DCST1: variants seen among roughly 807,000 people sequenced by gnomAD.
DCST1 encodes the protein E3 ubiquitin-protein ligase DCST1.
DCST1 carries 78 observed loss-of-function variants against 89.1 expected under a neutral mutation model. That is an observed-to-expected ratio of 0.88 (90% CI 0.73 to 1.06). DCST1 has a LOEUF of 1.06. DCST1 is among the 50% of genes least tolerant of loss of function. The pLI, the probability that DCST1 is intolerant of heterozygous loss-of-function variation, is 0.00. For missense variants in DCST1, 900 were observed against 928.6 expected (o/e 0.97, Z 0.40); for synonymous variants, 364 against 371.9 (o/e 0.98, Z 0.24).
chr1:155,037,577 G>A (rs939506542), intron 4 of DCST1, among the ~76,000 whole-genome samples: 1 of 151,868 alleles, frequency 6.6e-6, no homozygotes, highest in Admixed American at 6.6e-5. Context: ...CTGAGTAGCT[G>A]GGACTACAGG....
intron 4 of DCST1, among the ~76,000 whole-genome samples, chr1:155,038,075 C>T (rs1337735571): frequency 1.3e-5 from 2 of 152,224 alleles, no homozygotes; most frequent in Admixed American, 6.5e-5. Flanking sequence ...GGGTGGCACC[C>T]GACAGGGTTT....
In DCST1 at chr1:155,042,734, G is replaced by A. The variant is rs1214094928; in HGVS notation, c.893-1G>A. ...CCCTGACCCCGTCCACTGTTCACCA[G>A]TGATGGAGGTTTGGTGCCGCAATCG... On this transcript the variant is annotated splice_acceptor_variant, in intron 8 of 16. Transcript: ENST00000295542. LOFTEE classifies it high-confidence loss of function. The A allele has an allele frequency of 1.2e-6, 2 of 1,614,170 alleles. No individual in the cohort carries two copies. The highest frequency in any genetic ancestry group is 1.1e-5 in the South Asian group (1 of 91,084).
rs1558114333 is a variant in DCST1, at chr1:155,050,667, C to A, written c.1920C>A (p.Arg640=). 4 of 1,601,266 alleles carry A rather than the reference C, an allele frequency of 2.5e-6. No homozygotes were observed. Among genetic ancestry groups the A allele is most frequent in the Non-Finnish European group, 3.4e-6 (4 of 1,176,182 alleles). Residue 640 remains arginine, a synonymous_variant, in exon 17 of 17, where the codon CGC becomes CGA. Transcript: ENST00000295542. ...ILHRGCPLLR[R]WLCRRCVVCQ... is the part of the protein sequence containing the mutation. ...ACCGCGGCTGCCCGCTCCTGCGCCG[C>A]TGGCTGTGCCGGCGCTGCGTGGTGT...
At chr1:155,047,131 C>T (rs1367996055) in intron 13 of DCST1, 65 bp from the exon 14 acceptor site, 1 of 1,287,118 alleles carries the variant, frequency 7.8e-7, no homozygotes, top group Non-Finnish European at 1.1e-6. Context: ...CTGACATCCA[C>T]CCCCTTAACA....
At chr1:155,044,971 C>G (rs151257367) in intron 10 of DCST1, among the ~76,000 whole-genome samples, 47 of 152,294 alleles carry the variant, frequency 3.1e-4, no homozygotes, top group South Asian at 6.2e-4. Flanking sequence ...GAAGGAGGCA[C>G]AGAGTCAAAA....
Position 155,050,684 on chromosome 1 carries a change from G to A in DCST1, c.1937G>A (p.Cys646Tyr), listed in dbSNP as rs1428372517. 1.9e-6 allele frequency: 3 copies of A among 1,603,788 alleles called. No homozygotes were observed. Among genetic ancestry groups the A allele is most frequent in the Non-Finnish European group, 2.5e-6 (3 of 1,176,678 alleles). The change falls in exon 17 of 17, where the codon TGC becomes TAC. Residue 646 changes from cysteine (C) to tyrosine (Y), a missense_variant. Transcript: ENST00000295542. ...CTGCGCCGCTGGCTGTGCCGGCGCT[G>A]CGTGGTGTGCCAGGCACCCGAGACG... ...PLLRRWLCRR[C>Y]VVCQAPETPE...
chr1:155,035,054 T>TCATG lies in DCST1; in HGVS notation c.262+330_262+331insGCAT, dbSNP rs1372900091. 1.4e-5 allele frequency: 4 copies of TCATG among 291,854 alleles called. No homozygotes were observed. The East Asian group carries it at 2.8e-4, about 21-fold the overall frequency. The allele number at this position is 291,854 out of a possible 1,614,324, so 18.1% of individuals were successfully genotyped here. The stretch of plus-strand genomic sequence containing the variant: ...TTCTGATCCTCCTAAGAAATTAAAT[T>TCATG]CATTCATTCATTCATTCATTCACTC... On this transcript the variant is annotated intron_variant, in intron 4 of 16. Transcript: ENST00000295542.
chr1:155,034,961 C>T, intron 4 of DCST1: 1 of 567,512 alleles, frequency 1.8e-6, no homozygotes, highest in African/African-American at 1.9e-5. Flanking sequence ...TCCCCATCAC[C>T]CACATGATAT....
At chr1:155,048,304 T>G in intron 16 of DCST1, 134 bp downstream of exon 16, 1 of 706,932 alleles carries the variant, frequency 1.4e-6, no homozygotes, top group South Asian at 1.8e-5. Flanking sequence ...GTTCTTTTTA[T>G]TTTTTGAGAT....
At chr1:155,049,150 A>G (rs776207241) in intron 16 of DCST1, 76 of 704,326 alleles carry the variant, frequency 1.1e-4, no homozygotes, top group Non-Finnish European at 1.9e-4. Context: ...CCTCATTACT[A>G]TGACAACGGT....
chr1:155,042,650 G>A, intron 8 of DCST1, 85 bp from the exon 9 acceptor site: 2 of 1,582,448 alleles, frequency 1.3e-6, no homozygotes, highest in Non-Finnish European at 1.7e-6. Flanking sequence ...GCAGGATGAG[G>A]AGGACTACAG....
chr1:155,048,211 G>A, intron 16 of DCST1, 41 bp downstream of exon 16: 2 of 1,562,966 alleles, frequency 1.3e-6, no homozygotes, highest in African/African-American at 1.3e-5. Context: ...TCCTGGCTGG[G>A]TCTAAGTACA....
chr1:155,047,100 T>C (rs1263957239), intron 13 of DCST1, 96 bp from the exon 14 acceptor site: 4 of 972,266 alleles, frequency 4.1e-6, no homozygotes, highest in Non-Finnish European at 6.7e-6. Flanking sequence ...CTGAGAAGCA[T>C]TTCTGTGTCT....
At chr1:155,035,103 G>T in intron 4 of DCST1, 1 of 230,098 alleles carries the variant, frequency 4.3e-6, no homozygotes, top group Non-Finnish European at 8.6e-6. Context: ...AATCTGCTGA[G>T]GATTTAGCAG....
intron 10 of DCST1, among the ~76,000 whole-genome samples, 164 bp downstream of exon 10, chr1:155,043,673 T>C (rs1416852565): frequency 6.6e-6 from 1 of 152,220 alleles, no homozygotes; most frequent in Non-Finnish European, 1.5e-5. Context: ...AAAGTGGACA[T>C]TTTGTCAGAA....
At position 155,047,793 on chromosome 1, in the gene DCST1, T is replaced by TGCCC. The variant is rs764371110; in HGVS notation, c.1620_1623dup (p.Gln542AlafsTer57). The stretch of plus-strand genomic sequence containing the variant: ...TGGCCTGCCCCTCCCCTAGCCTGCC[T>TGCCC]GCCCCAGCCTGTGGGCCTGGATGCC... On this transcript the variant is annotated frameshift_variant, in exon 15 of 17. Coordinates refer to ENST00000295542, the MANE Select transcript of DCST1 (RefSeq NM_152494.4). LOFTEE classifies it high-confidence loss of function. The TGCCC allele has an allele frequency of 1.2e-6, 2 of 1,613,884 alleles. No individual in the cohort carries two copies. Among genetic ancestry groups the TGCCC allele is most frequent in the African/African-American group, 1.3e-5 (1 of 75,054 alleles).
chr1:155,048,993 G>A (rs765912318), intron 16 of DCST1: 2 of 717,004 alleles, frequency 2.8e-6, no homozygotes, highest in Non-Finnish European at 2.6e-6. Flanking sequence ...CCTTGGCCAA[G>A]GTCTTCACTG....
intron 4 of DCST1, among the ~76,000 whole-genome samples, chr1:155,036,492 A>T (rs1037484752): frequency 6.6e-6 from 1 of 152,054 alleles, no homozygotes; most frequent in African/African-American, 2.4e-5. Flanking sequence ...TGCCCTCCCC[A>T]TCCCTTGCGC....
At position 155,050,761 on chromosome 1, in the gene DCST1, T is replaced by C. The variant is rs1660914148; in HGVS notation, c.2014T>C (p.Ser672Pro). 6.2e-7 allele frequency: 1 copy of C among 1,611,518 alleles called. No homozygotes were observed. The highest frequency in any genetic ancestry group is 8.5e-7 in the Non-Finnish European group (1 of 1,179,140). The part of the protein sequence containing the change: ...TLDCEAVYCW[S>P]CWDDMRQRCP... ...GGACTGCGAGGCCGTGTACTGCTGG[T>C]CGTGCTGGGACGACATGCGGCAGCG... Residue 672 changes from serine (S) to proline (P), a missense_variant, in exon 17 of 17, where the codon TCG (serine) becomes CCG (proline). Coordinates refer to ENST00000295542, the MANE Select transcript of DCST1 (RefSeq NM_152494.4).
Sources: allele counts gnomAD v4.1 joint callset (sites outside exome capture counted in the v4.1 genomes callset), GRCh38; gene constraint gnomAD v4.1.1; transcripts MANE v1.5; gene names NCBI Gene and HGNC (gene_info 2026-07-23, HGNC 2026-07-21).